Variants in CTNNA3 observed in about 807,000 individuals in gnomAD.
The protein encoded by CTNNA3 is catenin alpha 3.
In CTNNA3, 76 loss-of-function variants were observed where a neutral mutation model predicts 95.7. The observed-to-expected ratio is 0.79, with a 90% CI of 0.66 to 0.96. The LOEUF is 0.96. CTNNA3 is among the 40% of genes least tolerant of loss of function. CTNNA3 has a pLI of 0.00. For synonymous variants in CTNNA3, 431 were observed against 374.4 expected (o/e 1.15, Z -1.74); for missense variants, 1,191 against 1,089.8 (o/e 1.09, Z -1.31).
intron 7 of CTNNA3, among the ~76,000 whole-genome samples, chr10:66,945,377 A>G (rs1848223901): frequency 6.6e-6 from 1 of 151,940 alleles, no homozygotes; most frequent in Non-Finnish European, 1.5e-5. Context: ...TCATGAACCA[A>G]CCTCTTCTAC....
intron 11 of CTNNA3, among the ~76,000 whole-genome samples, chr10:66,461,177 G>T (rs890789874): frequency 6.6e-6 from 1 of 152,020 alleles, no homozygotes; most frequent in Non-Finnish European, 1.5e-5. Context: ...CAGGATGTGC[G>T]CATTTCCCCA....
At chr10:66,147,315 T>G (rs142055304) in intron 13 of CTNNA3, among the ~76,000 whole-genome samples, 11 of 152,160 alleles carry the variant, frequency 7.2e-5, no homozygotes, top group African/African-American at 2.7e-4. Flanking sequence ...TATTAGATTT[T>G]TAAAGTACAG....
At chr10:66,668,618 G>T (rs1341786100) in intron 9 of CTNNA3, among the ~76,000 whole-genome samples, 1 of 151,944 alleles carries the variant, frequency 6.6e-6, no homozygotes, top group African/African-American at 2.4e-5. Context: ...TTTGAGACCA[G>T]CCTGGCCAAC....
chr10:66,382,927 C>T (rs900664483), intron 11 of CTNNA3, among the ~76,000 whole-genome samples: 8 of 152,110 alleles, frequency 5.3e-5, no homozygotes, highest in African/African-American at 1.7e-4. Context: ...TACACCAAAA[C>T]GCCATCTGTA....
intron 10 of CTNNA3, among the ~76,000 whole-genome samples, chr10:66,577,525 G>A (rs1843044909): frequency 1.3e-5 from 2 of 152,072 alleles, no homozygotes; most frequent in Non-Finnish European, 2.9e-5. Flanking sequence ...AAGGGGTTCA[G>A]TTTCAATCTT....
chr10:66,614,136 C>T (rs1306647714), intron 10 of CTNNA3, among the ~76,000 whole-genome samples: 2 of 152,010 alleles, frequency 1.3e-5, no homozygotes, highest in Admixed American at 6.6e-5. Context: ...CAAAATAGTC[C>T]TGTCTATGCA....
chr10:67,586,573 T>G (rs2133335805), intron 3 of CTNNA3, among the ~76,000 whole-genome samples: 1 of 152,276 alleles, frequency 6.6e-6, no homozygotes, highest in South Asian at 2.1e-4. Context: ...CTTGTCTTTT[T>G]TATGGTTTTT....
At chr10:67,060,715 A>G (rs1397924227) in intron 7 of CTNNA3, among the ~76,000 whole-genome samples, 1 of 152,110 alleles carries the variant, frequency 6.6e-6, no homozygotes, top group Non-Finnish European at 1.5e-5. Context: ...GAGTCTAGGC[A>G]TCATTCCAGA....
intron 7 of CTNNA3, among the ~76,000 whole-genome samples, chr10:66,798,549 A>C (rs567798555): frequency 6.6e-6 from 1 of 151,814 alleles, no homozygotes; most frequent in Non-Finnish European, 1.5e-5. Flanking sequence ...TGTATAACTC[A>C]ATTCAGATCA....
Position 66,927,164 on chromosome 10 carries a change from G to A in CTNNA3, c.1048-151640C>T, listed in dbSNP as rs761639638. 10 of 1,613,916 alleles carry A rather than the reference G, an allele frequency of 6.2e-6. No individual in the cohort carries two copies. The Admixed American group carries it at 1.5e-4, about 24-fold the overall frequency. The stretch of plus-strand genomic sequence containing the variant: ...AAACTTAAGTATAATCAATTTAAAG[G>A]GCTCAACCAGCTCACCTGGCTATAC... On this transcript the variant is annotated intron_variant, in intron 7 of 17. Transcript: ENST00000433211. The surrounding 1 kb of genome is among the most constrained non-coding windows in gnomAD (Gnocchi z 4.7).
At position 66,056,261 on chromosome 10, in the gene CTNNA3, AT is replaced by A. The variant is rs562051372; in HGVS notation, c.2159+13046del. Among the ~76,000 whole-genome samples, 7 of 152,080 alleles carry A rather than the reference AT, an allele frequency of 4.6e-5. No homozygotes were observed. In the East Asian group the frequency reaches 5.8e-4, roughly 13 times the overall value. ...ATGAAGGGATGTTGAATGTTATCAG[AT>A]TTTTTTTAAGAATCTTTTGAAATAA... On this transcript the variant is annotated intron_variant, in intron 15 of 17. Coordinates refer to ENST00000433211, the MANE Select transcript of CTNNA3 (RefSeq NM_013266.4).
chr10:67,091,486 AC>A (rs545082417), intron 7 of CTNNA3, among the ~76,000 whole-genome samples: 99 of 151,832 alleles, frequency 6.5e-4, no homozygotes, highest in Non-Finnish European at 1.2e-3. Context: ...AGACATGACC[AC>A]CCCCCAAAAA....
chr10:67,204,983 G>A (rs1202533386), intron 6 of CTNNA3, among the ~76,000 whole-genome samples: 3 of 152,152 alleles, frequency 2.0e-5, no homozygotes, highest in African/African-American at 7.2e-5. Context: ...AGGAGTAATT[G>A]CGGGAGTTGC....
At chr10:67,751,043 C>G in intron 1 of CTNNA3, 1 of 1,516,252 alleles carries the variant, frequency 6.6e-7, no homozygotes, top group Non-Finnish European at 9.2e-7. Context: ...ATTTCCATAT[C>G]CAGAGGAATG....
At chr10:66,755,942 T>C (rs973838568) in intron 9 of CTNNA3, among the ~76,000 whole-genome samples, 8 of 152,172 alleles carry the variant, frequency 5.3e-5, no homozygotes, top group African/African-American at 1.7e-4. Flanking sequence ...TTACTTTTAT[T>C]TAGCTCCTCC....
chr10:67,155,021 CT>C (rs111541639), intron 7 of CTNNA3, among the ~76,000 whole-genome samples: 8,111 of 152,190 alleles, frequency 0.053, 326 homozygotes, highest in Middle Eastern at 0.095. Context: ...CAAATTGTTT[CT>C]TTTTTTTAGC....
At chr10:66,065,738 T>G (rs1322886020) in intron 15 of CTNNA3, among the ~76,000 whole-genome samples, 2 of 152,190 alleles carry the variant, frequency 1.3e-5, no homozygotes, top group African/African-American at 4.8e-5. Flanking sequence ...CCCTTCATTG[T>G]TGTCCCTTCT....
rs566352984 is a variant in CTNNA3 at position 66,935,635 on chromosome 10, T to A, written c.1048-160111A>T. Among the ~76,000 whole-genome samples the A allele has an allele frequency of 1.3e-4, 20 of 151,988 alleles. 1 individual carries two copies. Among genetic ancestry groups the A allele is most frequent in the Middle Eastern group, 3.4e-3 (1 of 292 alleles). ...CGTATGTTGTACATGCCTAAAAAAA[T>A]ATATATATATTTTCCTATTAGGTGA... On this transcript the variant is annotated intron_variant, in intron 7 of 17. Transcript: ENST00000433211.
chr10:66,693,750 T>C (rs1589134978), intron 9 of CTNNA3, among the ~76,000 whole-genome samples: 1 of 152,092 alleles, frequency 6.6e-6, no homozygotes, highest in East Asian at 1.9e-4. Flanking sequence ...ACATAAATTA[T>C]AACAAACTGT....
Sources: allele counts gnomAD v4.1 joint callset (sites outside exome capture counted in the v4.1 genomes callset), GRCh38; gene constraint gnomAD v4.1.1; non-coding constraint Gnocchi (gnomAD v3.1); transcripts MANE v1.5; gene names NCBI Gene and HGNC (gene_info 2026-07-23, HGNC 2026-07-21).